The following TNFSF4 variants were observed in gnomAD, a reference collection of about 807,000 sequenced individuals.
TNFSF4 encodes the protein tumor necrosis factor ligand superfamily member 4.
Under a neutral mutation model 7.3 loss-of-function variants are expected in TNFSF4, and 4 were observed. That is an observed-to-expected ratio of 0.55 (90% CI 0.27 to 1.25). The LOEUF (loss-of-function observed/expected upper bound fraction) is 1.25. Ranked by LOEUF, TNFSF4 falls within the 50% of genes most tolerant of loss-of-function variation. The pLI is 0.12. For synonymous variants in TNFSF4, 76 were observed against 83.7 expected (o/e 0.91, Z 0.50); for missense variants, 181 against 208.8 (o/e 0.87, Z 0.82).
At chr1:173,207,384 CG>C (rs1650242956), upstream of TNFSF4, 1 of 419,784 alleles carries the variant, frequency 2.4e-6, no homozygotes, top group East Asian at 3.5e-5. Context: ...TGCAGGCAGG[CG>C]GGGGAACTTC....
the TNFSF4 span, among the ~76,000 whole-genome samples, chr1:173,236,408 A>C: frequency 7.1e-6 from 1 of 141,844 alleles, no homozygotes; most frequent in South Asian, 2.2e-4. Context: ...AGCAAGCACC[A>C]GTTATTTCAA....
the TNFSF4 span, among the ~76,000 whole-genome samples, chr1:173,426,966 C>A: frequency 6.6e-6 from 1 of 152,152 alleles, no homozygotes; most frequent in Non-Finnish European, 1.5e-5. Flanking sequence ...ATACTGTAGG[C>A]TCTGAAGACA....
At chr1:173,377,504 C>T in the TNFSF4 span, among the ~76,000 whole-genome samples, 1 of 152,244 alleles carries the variant, frequency 6.6e-6, no homozygotes, top group African/African-American at 2.4e-5. Context: ...AAAGTCACGA[C>T]GCCCAAGCGA....
At chr1:173,250,885 C>G in the TNFSF4 span, among the ~76,000 whole-genome samples, 1 of 152,100 alleles carries the variant, frequency 6.6e-6, no homozygotes, top group Non-Finnish European at 1.5e-5. Context: ...AGGAATCTCA[C>G]CAGAAATAAT....
the TNFSF4 span, among the ~76,000 whole-genome samples, chr1:173,283,244 G>A: frequency 5.3e-5 from 8 of 152,016 alleles, no homozygotes; most frequent in Admixed American, 1.3e-4. Context: ...GTATATTTCC[G>A]GGATATCTCT....
At chr1:173,447,682 A>G in the TNFSF4 span, among the ~76,000 whole-genome samples, 1 of 152,244 alleles carries the variant, frequency 6.6e-6, no homozygotes, top group Non-Finnish European at 1.5e-5. Context: ...AGAAAAAAAG[A>G]GTCAGCAAAC....
the TNFSF4 span, among the ~76,000 whole-genome samples, chr1:173,437,274 T>C: frequency 6.6e-6 from 1 of 152,224 alleles, no homozygotes; most frequent in South Asian, 2.1e-4. Context: ...TCCTGAGTAC[T>C]GTGTGTCATT....
intron 1 of TNFSF4, among the ~76,000 whole-genome samples, chr1:173,195,653 G>A (rs1649667276): frequency 6.6e-6 from 1 of 152,204 alleles, no homozygotes; most frequent in African/African-American, 2.4e-5. Flanking sequence ...TGTGGTATGG[G>A]GCTGTCGACC....
the TNFSF4 span, among the ~76,000 whole-genome samples, chr1:173,394,232 A>AC: frequency 2.6e-5 from 4 of 151,696 alleles, no homozygotes; most frequent in African/African-American, 9.7e-5. Flanking sequence ...AAAAAAAAAA[A>AC]AAAAAACTAA....
chr1:173,246,540 G>A, the TNFSF4 span, among the ~76,000 whole-genome samples: 1 of 152,310 alleles, frequency 6.6e-6, no homozygotes, highest in South Asian at 2.1e-4. Context: ...TAAACAAAGT[G>A]TGACACATAT....
the TNFSF4 span, among the ~76,000 whole-genome samples, chr1:173,448,466 T>C: frequency 1.3e-5 from 2 of 152,140 alleles, no homozygotes; most frequent in Non-Finnish European, 2.9e-5. Flanking sequence ...GTGTGAGCAA[T>C]AAAGCTTTTA....
the TNFSF4 span, among the ~76,000 whole-genome samples, chr1:173,230,169 C>T: frequency 6.6e-6 from 1 of 152,140 alleles, no homozygotes; most frequent in African/African-American, 2.4e-5. Context: ...CCAAAATTGA[C>T]CACGTAGTTG....
chr1:173,385,170 G>T, the TNFSF4 span, among the ~76,000 whole-genome samples: 2 of 152,118 alleles, frequency 1.3e-5, no homozygotes, highest in Non-Finnish European at 2.9e-5. Flanking sequence ...GAATTTTATT[G>T]GGTTCTTGAT....
the TNFSF4 span, among the ~76,000 whole-genome samples, chr1:173,299,402 T>TATCTTTA: frequency 6.6e-6 from 1 of 152,046 alleles, no homozygotes; most frequent in South Asian, 2.1e-4. Context: ...GTTAGGATTC[T>TATCTTTA]GAGGGGCTAT....
chr1:173,275,787 T>G, the TNFSF4 span, among the ~76,000 whole-genome samples: 10 of 152,160 alleles, frequency 6.6e-5, no homozygotes, highest in East Asian at 5.8e-4. Flanking sequence ...TGACAGAGGC[T>G]TTGGGGTTTA....
At chr1:173,256,803 G>A in the TNFSF4 span, among the ~76,000 whole-genome samples, 1 of 152,340 alleles carries the variant, frequency 6.6e-6, no homozygotes, top group East Asian at 1.9e-4. Context: ...GCCAGGCCAT[G>A]CCTCCTGCTC....
At chr1:173,309,801 T>A in the TNFSF4 span, among the ~76,000 whole-genome samples, 1 of 151,912 alleles carries the variant, frequency 6.6e-6, no homozygotes, top group Non-Finnish European at 1.5e-5. Context: ...GTGAAGCCAT[T>A]TGGACCTGAA....
the TNFSF4 span, among the ~76,000 whole-genome samples, chr1:173,277,144 G>A: frequency 6.6e-6 from 1 of 152,078 alleles, no homozygotes; most frequent in African/African-American, 2.4e-5. Context: ...AAAGCAGCAC[G>A]TGGTTTCATG....
chr1:173,345,188 G>A, the TNFSF4 span, among the ~76,000 whole-genome samples: 1 of 152,186 alleles, frequency 6.6e-6, no homozygotes, highest in South Asian at 2.1e-4. Context: ...CAAGATTTTT[G>A]TCTTTTTGCT....
Sources: allele counts gnomAD v4.1 joint callset (sites outside exome capture counted in the v4.1 genomes callset), GRCh38; gene constraint gnomAD v4.1.1; transcripts MANE v1.5; gene names NCBI Gene and HGNC (gene_info 2026-07-23, HGNC 2026-07-21).